The following MGAT5 variants were observed in gnomAD, a reference collection of about 807,000 sequenced individuals.
The protein encoded by MGAT5 is alpha-1,6-mannosylglycoprotein 6-beta-N-acetylglucosaminyltransferase A.
A neutral mutation model predicts 94.3 loss-of-function variants in MGAT5; 30 were observed. That is an observed-to-expected ratio of 0.32 (90% CI 0.24 to 0.43). The LOEUF (loss-of-function observed/expected upper bound fraction) is 0.43. Ranked by LOEUF, MGAT5 falls within the 20% of genes least tolerant of loss-of-function variation. The probability of loss-of-function intolerance (pLI) is 1.00; values close to 1 mark genes in which losing one functional copy is unlikely to be tolerated. For synonymous variants in MGAT5, 310 were observed against 322.9 expected (o/e 0.96, Z 0.43); for missense variants, 691 against 905.5 (o/e 0.76, Z 3.04).
chr2:134,194,132 A>G (rs868084996), intron 1 of MGAT5, among the ~76,000 whole-genome samples: 2 of 152,178 alleles, frequency 1.3e-5, no homozygotes, highest in South Asian at 2.1e-4. Flanking sequence ...TTTCTATTTT[A>G]GGAAGGAGAA....
intron 1 of MGAT5, among the ~76,000 whole-genome samples, chr2:134,156,513 T>TA (rs1687487577): frequency 6.6e-6 from 1 of 152,158 alleles, no homozygotes; most frequent in African/African-American, 2.4e-5. Context: ...AAGAATGTTT[T>TA]AAAAGAGTTC....
chr2:134,280,901 T>G lies in MGAT5; in HGVS notation c.406+10351T>G, dbSNP rs926691333. On this transcript the variant is annotated intron_variant, in intron 2 of 15. Transcript: ENST00000281923. ...GGTTTTCACTCCTGGGCCAGGCATG[T>G]AGCAGATGGTCAGTGCTTAATGGGC... 1.6e-4 allele frequency among the ~76,000 whole-genome samples: 24 copies of G among 152,242 alleles called. 1 individual carries two copies. The highest frequency in any genetic ancestry group is 5.5e-4 in the African/African-American group (23 of 41,472).
chr2:134,258,059 G>A (rs77538356), intron 1 of MGAT5, among the ~76,000 whole-genome samples: 1,653 of 152,204 alleles, frequency 0.011, 11 homozygotes, highest in East Asian at 0.014. Context: ...TTGAGGGATT[G>A]TAGTAGCTGA....
At chr2:134,264,678 T>C (rs1006017126) in intron 1 of MGAT5, among the ~76,000 whole-genome samples, 9 of 152,342 alleles carry the variant, frequency 5.9e-5, no homozygotes, top group African/African-American at 1.9e-4. Flanking sequence ...CTAAAATTAA[T>C]TTAAAAATAT....
chr2:134,272,955 G>A (rs1684117963), intron 2 of MGAT5, among the ~76,000 whole-genome samples: 1 of 152,200 alleles, frequency 6.6e-6, no homozygotes, highest in Non-Finnish European at 1.5e-5. Flanking sequence ...CTGTCTCAGT[G>A]TCTGCTCTCA....
intron 2 of MGAT5, among the ~76,000 whole-genome samples, chr2:134,316,752 A>G (rs1466071803): frequency 6.6e-6 from 1 of 152,060 alleles, no homozygotes; most frequent in Non-Finnish European, 1.5e-5. Context: ...CTGTAGGATG[A>G]CTCTAGTTCA....
intron 10 of MGAT5, among the ~76,000 whole-genome samples, chr2:134,375,603 G>A (rs536260067): frequency 2.6e-5 from 4 of 152,202 alleles, no homozygotes; most frequent in Non-Finnish European, 4.4e-5. Context: ...ACTTACTTGC[G>A]TATCAGGACT....
intron 4 of MGAT5, among the ~76,000 whole-genome samples, chr2:134,328,417 G>T (rs1009188778): frequency 1.3e-5 from 2 of 152,008 alleles, no homozygotes; most frequent in Non-Finnish European, 2.9e-5. Context: ...TTCCCTATGT[G>T]GCTTTGAGCT....
At chr2:134,172,793 C>G (rs1688281218) in intron 1 of MGAT5, among the ~76,000 whole-genome samples, 1 of 152,186 alleles carries the variant, frequency 6.6e-6, no homozygotes, top group African/African-American at 2.4e-5. Flanking sequence ...CACCTTGGAG[C>G]AGAACATTTA....
At chr2:134,412,443 G>A (rs562532603) in intron 11 of MGAT5, among the ~76,000 whole-genome samples, 26 of 152,226 alleles carry the variant, frequency 1.7e-4, no homozygotes, top group South Asian at 8.3e-4. Flanking sequence ...GAAAGGGCCT[G>A]TTGTTTCTTT....
At chr2:134,246,232 C>A (rs1218925962) in intron 1 of MGAT5, among the ~76,000 whole-genome samples, 25 of 145,872 alleles carry the variant, frequency 1.7e-4, no homozygotes, top group Admixed American at 1.7e-3. Context: ...ATACCTATTT[C>A]TTGGGCAGCA....
intron 12 of MGAT5, among the ~76,000 whole-genome samples, chr2:134,413,362 C>T (rs1161746332): frequency 6.6e-6 from 1 of 152,156 alleles, no homozygotes; most frequent in African/African-American, 2.4e-5. Context: ...GAATCTGCTC[C>T]CCATGATGGG....
chr2:134,268,736 A>C lies in MGAT5; in HGVS notation c.242-1650A>C, dbSNP rs1400129245. Among the ~76,000 whole-genome samples the C allele has an allele frequency of 6.6e-6, 1 of 152,188 alleles. No individual in the cohort carries two copies. The highest frequency in any genetic ancestry group is 1.5e-5 in the Non-Finnish European group (1 of 68,026). Reference sequence around the variant, plus strand: ...CAGCCAGTATTCAAAACACCTTATAAATATTAACTCTTTAACTCCTCTTGA... The same window carrying C: ...CAGCCAGTATTCAAAACACCTTATACATATTAACTCTTTAACTCCTCTTGA... On this transcript the variant is annotated intron_variant, in intron 1 of 15. Coordinates refer to ENST00000281923, the MANE Select transcript of MGAT5 (RefSeq NM_002410.5). The surrounding 1 kb of genome is among the most constrained non-coding windows in gnomAD (Gnocchi z 4.1).
intron 2 of MGAT5, among the ~76,000 whole-genome samples, chr2:134,292,549 T>C (rs1685440379): frequency 6.6e-6 from 1 of 152,218 alleles, no homozygotes; most frequent in Admixed American, 6.5e-5. Context: ...TCTTTCTTTT[T>C]GAAATTAGGA....
chr2:134,148,522 T>G (rs80164205), intron 1 of MGAT5, among the ~76,000 whole-genome samples: 1 of 152,248 alleles, frequency 6.6e-6, no homozygotes, highest in Non-Finnish European at 1.5e-5. Flanking sequence ...ATGCTTATGA[T>G]AGAAAATTCA....
At chr2:134,434,104 A>G (rs1301576867) in intron 14 of MGAT5, among the ~76,000 whole-genome samples, 1 of 151,916 alleles carries the variant, frequency 6.6e-6, no homozygotes, top group Non-Finnish European at 1.5e-5. Context: ...TGAACAAGTG[A>G]CCCTTTCCCT....
intron 9 of MGAT5, among the ~76,000 whole-genome samples, chr2:134,354,480 G>A (rs1432573052): frequency 6.6e-6 from 1 of 152,160 alleles, no homozygotes; most frequent in Non-Finnish European, 1.5e-5. Context: ...AAATACGCTG[G>A]ACCGGAATGT....
rs540102226 is a variant in MGAT5 at position 134,260,304 on chromosome 2, C to G, written c.241+5660C>G. ...AGGAAGTTTTTTCCTTAAGGAGGCA[C>G]ACACGCCGGTTGGAGAACCAGCATA... is the stretch of plus-strand genomic sequence containing the variant. On this transcript the variant is annotated intron_variant, in intron 1 of 15. Coordinates refer to ENST00000281923, the MANE Select transcript of MGAT5 (RefSeq NM_002410.5). 3.4e-3 allele frequency among the ~76,000 whole-genome samples: 519 copies of G among 152,326 alleles called. 1 individual carries two copies. The highest frequency in any genetic ancestry group is 0.012 in the African/African-American group (494 of 41,560).
chr2:134,441,986 A>G, intron 15 of MGAT5, 71 bp downstream of exon 15: 1 of 1,552,120 alleles, frequency 6.4e-7, no homozygotes, highest in Non-Finnish European at 8.8e-7. Context: ...TAGTCAGGTG[A>G]GAGGTACAGG....
Sources: gnomAD v4.1 joint callset for allele counts (sites outside exome capture counted in the v4.1 genomes callset) on GRCh38, gnomAD v4.1.1 for gene constraint, Gnocchi (gnomAD v3.1) non-coding constraint, MANE v1.5 for transcripts, NCBI Gene and HGNC (gene_info 2026-07-23, HGNC 2026-07-21) for gene names.